Variants in DCLK2 observed in about 807,000 individuals in gnomAD.
DCLK2 encodes serine/threonine-protein kinase DCLK2.
A neutral mutation model predicts 78.4 loss-of-function variants in DCLK2; 31 were observed. That is an observed-to-expected ratio of 0.40 (90% confidence interval 0.30 to 0.53). DCLK2 has a LOEUF of 0.53. Ranked by LOEUF, DCLK2 falls within the 20% of genes least tolerant of loss-of-function variation. The pLI is 0.61. For synonymous variants in DCLK2, 407 were observed against 374.9 expected (o/e 1.09, Z -0.99); for missense variants, 872 against 973.7 (o/e 0.90, Z 1.39).
intron 5 of DCLK2, among the ~76,000 whole-genome samples, chr4:150,217,852 C>T (rs553476064): frequency 2.6e-4 from 40 of 152,236 alleles, no homozygotes; most frequent in African/African-American, 9.1e-4. Flanking sequence ...TCCCTGTTAA[C>T]GCTACATAAT....
At chr4:150,218,052 T>TG (rs1740864577) in intron 5 of DCLK2, among the ~76,000 whole-genome samples, 2 of 149,780 alleles carry the variant, frequency 1.3e-5, no homozygotes, top group African/African-American at 5.0e-5. Flanking sequence ...TCGCTCTCAC[T>TG]CTCGCTCTCT....
At chr4:150,125,554 C>A (rs1408638494) in intron 2 of DCLK2, among the ~76,000 whole-genome samples, 1 of 152,084 alleles carries the variant, frequency 6.6e-6, no homozygotes, top group African/African-American at 2.4e-5. Flanking sequence ...AAATTGTCTA[C>A]CCTATGTTTA....
At chr4:150,236,343 G>C (rs781110128) in intron 10 of DCLK2, among the ~76,000 whole-genome samples, 5 of 152,140 alleles carry the variant, frequency 3.3e-5, no homozygotes, top group Non-Finnish European at 7.4e-5. Context: ...TTGCAGAATG[G>C]TGCTGTGGAA....
At chr4:150,220,463 CAT>C (rs1310787886) in intron 5 of DCLK2, among the ~76,000 whole-genome samples, 2 of 151,886 alleles carry the variant, frequency 1.3e-5, no homozygotes, top group African/African-American at 4.8e-5. Flanking sequence ...TAAAAAATAA[CAT>C]AATTTCAAAA....
intron 2 of DCLK2, among the ~76,000 whole-genome samples, chr4:150,185,019 A>T (rs572263759): frequency 6.6e-6 from 1 of 152,154 alleles, no homozygotes; most frequent in Non-Finnish European, 1.5e-5. Flanking sequence ...AGGGTTTATT[A>T]TGCTACTAAT....
chr4:150,107,375 A>ATTT (rs1353627336), intron 2 of DCLK2, among the ~76,000 whole-genome samples: 1 of 96,934 alleles, frequency 1.0e-5, no homozygotes, highest in African/African-American at 4.2e-5. Context: ...TTTTTTGGTT[A>ATTT]TTGTTTTTTT....
Position 150,198,083 on chromosome 4 carries a change from G to T in DCLK2, c.941G>T (p.Arg314Leu), listed in dbSNP as rs756136401. ...SGSKSPGPSR[R>L]SKSPASVNGT... is the part of the protein sequence containing the mutation. ...TCCAAAAGCCCTGGGCCCTCTCGAC[G>T]CAGCAAATCACCAGCTTCAGGTAGT... is the stretch of plus-strand genomic sequence containing the variant. The change falls in exon 4 of 16, where the codon CGC (arginine) becomes CTC (leucine). Residue 314 changes from arginine (R) to leucine (L), a missense_variant. This residue lies in a region of DCLK2 where 567 missense variants were observed against 593.4 expected (regional missense o/e 0.96). Transcript: ENST00000296550. 3.1e-6 allele frequency: 5 copies of T among 1,613,344 alleles called. No individual in the cohort carries two copies. In the South Asian group the frequency reaches 4.4e-5, roughly 14 times the overall value.
chr4:150,161,295 C>T (rs74522616), intron 2 of DCLK2, among the ~76,000 whole-genome samples: 1,988 of 152,248 alleles, frequency 0.013, 46 homozygotes, highest in African/African-American at 0.045. Flanking sequence ...GCAGTTTCAA[C>T]TAACCTCTAT....
chr4:150,146,464 A>G (rs150022458), intron 2 of DCLK2, among the ~76,000 whole-genome samples: 1 of 152,344 alleles, frequency 6.6e-6, no homozygotes, highest in Non-Finnish European at 1.5e-5. Context: ...AATGTTCAGA[A>G]GAGAAGAATA....
intron 7 of DCLK2, among the ~76,000 whole-genome samples, chr4:150,223,349 A>G (rs550442171): frequency 1.3e-5 from 2 of 152,376 alleles, no homozygotes; most frequent in East Asian, 1.9e-4. Context: ...TGAGATAACA[A>G]GTGTATTCTA....
At chr4:150,213,268 C>T (rs1740444690) in intron 5 of DCLK2, among the ~76,000 whole-genome samples, 1 of 152,216 alleles carries the variant, frequency 6.6e-6, no homozygotes, top group Non-Finnish European at 1.5e-5. Flanking sequence ...CATGTTCAGG[C>T]AGTGGATTCT....
At chr4:150,079,520 G>C in intron 1 of DCLK2, 72 bp downstream of exon 1, 1 of 1,393,926 alleles carries the variant, frequency 7.2e-7, no homozygotes, top group South Asian at 1.5e-5. Context: ...AGCCGGCGCA[G>C]CGGGGAGCCC....
chr4:150,188,300 C>A (rs1457269110), intron 2 of DCLK2, among the ~76,000 whole-genome samples: 1 of 151,922 alleles, frequency 6.6e-6, no homozygotes, highest in East Asian at 1.9e-4. Context: ...ATAGTGAAAC[C>A]TGGCCTCTAA....
chr4:150,197,396 G>A (rs1392786508), intron 3 of DCLK2, among the ~76,000 whole-genome samples: 1 of 152,188 alleles, frequency 6.6e-6, no homozygotes, highest in Non-Finnish European at 1.5e-5. Flanking sequence ...TGTGTATGAA[G>A]TTAGGACATT....
At chr4:150,171,621 T>G (rs2150259867) in intron 2 of DCLK2, among the ~76,000 whole-genome samples, 1 of 152,362 alleles carries the variant, frequency 6.6e-6, no homozygotes, top group African/African-American at 2.4e-5. Context: ...ATTGTAGTGT[T>G]AACTGGAGTG....
At position 150,218,254 on chromosome 4, in the gene DCLK2, T is replaced by C. The variant is rs979313016; in HGVS notation, c.1057-2449T>C. 9.2e-5 allele frequency among the ~76,000 whole-genome samples: 14 copies of C among 152,232 alleles called. No homozygotes were observed. In the South Asian group the frequency reaches 2.3e-3, roughly 25 times the overall value. On this transcript the variant is annotated intron_variant, in intron 5 of 15. Transcript: ENST00000296550. ...CCGCAAATCCCAACATATGCCAGGT[T>C]TGTAATTGCTGAGCTATATAGGGGA...
intron 4 of DCLK2, chr4:150,199,011 A>G (rs941155403): frequency 5.8e-6 from 9 of 1,548,566 alleles, no homozygotes; most frequent in Non-Finnish European, 7.8e-6. Context: ...TACTCTGTGT[A>G]TACTGCATGT....
At chr4:150,143,410 G>A (rs1430881916) in intron 2 of DCLK2, among the ~76,000 whole-genome samples, 6 of 152,296 alleles carry the variant, frequency 3.9e-5, no homozygotes, top group East Asian at 1.9e-4. Flanking sequence ...TTGAGAGGCC[G>A]AGGCTGGAGG....
At chr4:150,143,216 C>T (rs11099757) in intron 2 of DCLK2, among the ~76,000 whole-genome samples, 21,263 of 151,928 alleles carry the variant, frequency 0.14, 1,950 homozygotes, top group South Asian at 0.4. Flanking sequence ...CCATAGTGTG[C>T]GTATTCAATA....
Sources: allele counts gnomAD v4.1 joint callset (sites outside exome capture counted in the v4.1 genomes callset), GRCh38; gene constraint gnomAD v4.1.1; regional missense constraint gnomAD v4.1.1; transcripts MANE v1.5; gene names NCBI Gene and HGNC (gene_info 2026-07-23, HGNC 2026-07-21).